The following OSBPL10 variants were observed in gnomAD, a reference collection of about 807,000 sequenced individuals.
OSBPL10 encodes oxysterol-binding protein-related protein 10.
A neutral mutation model predicts 81.7 loss-of-function variants in OSBPL10; 49 were observed. The observed-to-expected ratio is 0.60, with a 90% CI of 0.48 to 0.76. The LOEUF (loss-of-function observed/expected upper bound fraction) is 0.76. Ranked by LOEUF, OSBPL10 falls within the 30% of genes least tolerant of loss-of-function variation. The pLI is 0.00. For missense variants in OSBPL10, 923 were observed against 987.8 expected, an observed-to-expected ratio of 0.93 and a Z score of 0.88; for synonymous variants, 419 against 383.6, an observed-to-expected ratio of 1.09 and a Z score of -1.08.
intron 4 of OSBPL10, among the ~76,000 whole-genome samples, chr3:31,759,583 C>T (rs973680943): frequency 1.3e-5 from 2 of 151,964 alleles, no homozygotes; most frequent in African/African-American, 2.4e-5. Context: ...ATATATATGG[C>T]CAACCCTTAA....
In OSBPL10 at chr3:31,989,955, C is replaced by T. The variant is rs754583433; in HGVS notation, n.298+56536G>A. 8 of 1,613,998 alleles carry T rather than the reference C, an allele frequency of 5.0e-6. No homozygotes were observed. The African/African-American group carries it at 9.3e-5, about 19-fold the overall frequency. Reference sequence around the variant, plus strand: ...AACCTTACAAGTGTAATGAATGTGGCAAGGTTTTTAATCAACAATCAAACC... The same window carrying T: ...AACCTTACAAGTGTAATGAATGTGGTAAGGTTTTTAATCAACAATCAAACC... On this transcript the variant is annotated intron_variant and non_coding_transcript_variant, in intron 2 of 3. Coordinates refer to the OSBPL10 transcript ENST00000479173.
chr3:31,944,923 C>T (rs1003166316), intron 1 of OSBPL10, among the ~76,000 whole-genome samples: 19 of 142,658 alleles, frequency 1.3e-4, no homozygotes, highest in African/African-American at 4.6e-4. Context: ...GAGGCTGAGG[C>T]GGGCAGATCC....
At chr3:31,785,161 A>G (rs187900327) in intron 4 of OSBPL10, among the ~76,000 whole-genome samples, 1 of 152,350 alleles carries the variant, frequency 6.6e-6, no homozygotes, top group African/African-American at 2.4e-5. Flanking sequence ...CCGGGATTAC[A>G]GGCGTGAACC....
intron 1 of OSBPL10, among the ~76,000 whole-genome samples, chr3:31,972,079 T>C (rs1374708682): frequency 6.6e-6 from 1 of 152,142 alleles, no homozygotes; most frequent in Non-Finnish European, 1.5e-5. Context: ...GCCACCTCAC[T>C]CAGGGCTTAG....
At chr3:31,825,712 C>A (rs1234868640) in intron 4 of OSBPL10, among the ~76,000 whole-genome samples, 3 of 152,096 alleles carry the variant, frequency 2.0e-5, no homozygotes, top group African/African-American at 7.2e-5. Context: ...ATAGTGGAAA[C>A]CAGAGATTAT....
chr3:32,011,490 A>G (rs939182911), intron 2 of OSBPL10, among the ~76,000 whole-genome samples: 12 of 152,228 alleles, frequency 7.9e-5, no homozygotes, highest in Non-Finnish European at 1.5e-4. Context: ...AAAGATGGGG[A>G]AAAAACAGAG....
At chr3:31,765,322 C>T (rs920662885) in intron 4 of OSBPL10, among the ~76,000 whole-genome samples, 2 of 152,076 alleles carry the variant, frequency 1.3e-5, no homozygotes, top group African/African-American at 2.4e-5. Flanking sequence ...AGCCATGAGT[C>T]ACTGTGCCCA....
At chr3:31,721,012 T>C (rs186559522) in intron 6 of OSBPL10, among the ~76,000 whole-genome samples, 2 of 151,760 alleles carry the variant, frequency 1.3e-5, no homozygotes, top group Non-Finnish European at 2.9e-5. Context: ...AACAGGGAGA[T>C]TTTCCTAGAT....
At chr3:31,769,991 A>T (rs1698328452) in intron 4 of OSBPL10, among the ~76,000 whole-genome samples, 1 of 152,190 alleles carries the variant, frequency 6.6e-6, no homozygotes, top group Non-Finnish European at 1.5e-5. Context: ...ATTTGATGAC[A>T]AGGTTCTGCC....
intron 2 of OSBPL10, among the ~76,000 whole-genome samples, chr3:32,014,633 T>C (rs542658331): frequency 2.5e-4 from 38 of 152,236 alleles, no homozygotes; most frequent in African/African-American, 9.1e-4. Context: ...GGGTATTCAA[T>C]TAGGAAAAGA....
intron 1 of OSBPL10, among the ~76,000 whole-genome samples, chr3:31,903,997 T>C (rs1463838505): frequency 6.6e-6 from 1 of 152,028 alleles, no homozygotes; most frequent in East Asian, 1.9e-4. Flanking sequence ...AGCTAAAACC[T>C]AGGAGAGGGG....
chr3:31,900,310 T>C (rs918871579), intron 1 of OSBPL10, among the ~76,000 whole-genome samples: 2 of 152,164 alleles, frequency 1.3e-5, no homozygotes, highest in African/African-American at 2.4e-5. Flanking sequence ...CCCAAAGTGC[T>C]GCCACCGCAC....
intron 4 of OSBPL10, among the ~76,000 whole-genome samples, chr3:31,786,291 A>T (rs1044408241): frequency 2.0e-5 from 3 of 152,158 alleles, no homozygotes; most frequent in African/African-American, 7.2e-5. Context: ...CATTTTTATG[A>T]AGTCAAATTT....
At chr3:31,709,699 C>T (rs1246145863) in intron 6 of OSBPL10, among the ~76,000 whole-genome samples, 1 of 152,152 alleles carries the variant, frequency 6.6e-6, no homozygotes, top group Non-Finnish European at 1.5e-5. Flanking sequence ...GCTTTTGGAG[C>T]GTGCCAGTAT....
chr3:31,762,629 C>CTTTTTTTTTT (rs1491572896), intron 4 of OSBPL10, among the ~76,000 whole-genome samples: 3 of 17,236 alleles, frequency 1.7e-4, no homozygotes, highest in Non-Finnish European at 1.8e-4. Context: ...CCATGCCCAG[C>CTTTTTTTTTT]ATTTTTTTTT....
intron 3 of OSBPL10, among the ~76,000 whole-genome samples, chr3:31,875,701 G>A (rs1023962621): frequency 6.6e-6 from 1 of 152,170 alleles, no homozygotes; most frequent in African/African-American, 2.4e-5. Flanking sequence ...TCAGAAGTTT[G>A]AAGAATGGAT....
chr3:32,052,725 T>G (rs182323788), intron 1 of OSBPL10, among the ~76,000 whole-genome samples: 110 of 152,276 alleles, frequency 7.2e-4, no homozygotes, highest in Non-Finnish European at 1.1e-3. Flanking sequence ...ACACTGCATG[T>G]TCTCACTTAC....
intron 1 of OSBPL10, among the ~76,000 whole-genome samples, chr3:31,943,522 G>A (rs1266918448): frequency 2.0e-5 from 3 of 152,128 alleles, no homozygotes; most frequent in African/African-American, 4.8e-5. Context: ...ACCACCCAGA[G>A]AAAGTCGCTG....
At chr3:31,732,146 T>G (rs1356111170) in intron 6 of OSBPL10, among the ~76,000 whole-genome samples, 2 of 152,206 alleles carry the variant, frequency 1.3e-5, no homozygotes, top group African/African-American at 2.4e-5. Flanking sequence ...ACACATCAGC[T>G]GCATGAGTTT....
Sources: allele counts gnomAD v4.1 joint callset (sites outside exome capture counted in the v4.1 genomes callset), GRCh38; gene constraint gnomAD v4.1.1; transcripts MANE v1.5; gene names NCBI Gene and HGNC (gene_info 2026-07-23, HGNC 2026-07-21).